The following GDF10 variants were observed in gnomAD, a reference collection of about 807,000 sequenced individuals.
The protein encoded by GDF10 is growth differentiation factor 10.
Under a neutral mutation model 32.1 loss-of-function variants are expected in GDF10, and 23 were observed. The observed-to-expected ratio is 0.72, with a 90% CI of 0.52 to 1.02. The LOEUF is 1.02. GDF10 is among the 50% of genes least tolerant of loss of function. GDF10 has a pLI of 0.00. For synonymous variants in GDF10, 328 were observed against 303.1 expected (o/e 1.08, Z -0.85); for missense variants, 764 against 673.9 (o/e 1.13, Z -1.48).
chr10:47,309,989 C>G lies in GDF10; in HGVS notation c.513C>G (p.His171Gln). 1 of 1,611,076 alleles carries G rather than the reference C, an allele frequency of 6.2e-7. No homozygotes were observed. Among genetic ancestry groups the G allele is most frequent in the Non-Finnish European group, 8.5e-7 (1 of 1,178,826 alleles). ...CCCTGGGCCCGCCCACACGCCAGCA[C>G]CTGCTCTTCCGCAGCCTCTCGCAGA... ...PLPLGPPTRQ[H>Q]LLFRSLSQNT... Residue 171 changes from histidine to glutamine, a missense_variant, in exon 2 of 3, where the codon CAC becomes CAG. Transcript: ENST00000580279.
rs1555207428 is a variant in GDF10 at position 47,309,937 on chromosome 10, C to T, written c.461C>T (p.Ala154Val). ...RALEVLCKPR[A>V]KNASGRPLPL... ...CTCGAGGTGCTATGCAAGCCGCGGG[C>T]CAAGAACGCTTCAGGCCGCCCGCTG... Residue 154 changes from alanine (A) to valine (V), a missense_variant, in exon 2 of 3, where the codon GCC (alanine) becomes GTC (valine). By Grantham distance (64) the Ala-to-Val change is moderately conservative (BLOSUM62 0). Transcript: ENST00000580279. 5 of 1,612,772 alleles carry T rather than the reference C, an allele frequency of 3.1e-6. No individual in the cohort carries two copies. The highest frequency in any genetic ancestry group is 3.3e-5 in the Admixed American group (2 of 59,964).
chr10:47,305,615 A>G (rs1012806851), intron 1 of GDF10, among the ~76,000 whole-genome samples: 1 of 152,212 alleles, frequency 6.6e-6, no homozygotes, highest in South Asian at 2.1e-4. Flanking sequence ...GTGAAGGGAC[A>G]GATCTCCAAA....
chr10:47,302,344 C>G (rs148372555), intron 1 of GDF10, among the ~76,000 whole-genome samples: 3 of 152,300 alleles, frequency 2.0e-5, no homozygotes, highest in African/African-American at 7.2e-5. Flanking sequence ...TGTTGATGTA[C>G]GGGATTCCCC....
chr10:47,310,195 A>G lies in GDF10; in HGVS notation c.719A>G (p.Tyr240Cys), dbSNP rs782740713. The change falls in exon 2 of 3, where the codon TAT becomes TGT. Residue 240 changes from tyrosine to cysteine, a missense_variant. Transcript: ENST00000580279. ...CCGGGGGTGCCCCGGCCCAGCCCCT[A>G]TGCGCCCTACATCCTAGTCTATGCC... Reference protein sequence around the residue: ...RDPGVPRPSPYAPYILVYAND... With the variant: ...RDPGVPRPSPCAPYILVYAND... 59 of 1,611,416 alleles carry G rather than the reference A, an allele frequency of 3.7e-5. No individual in the cohort carries two copies. Among genetic ancestry groups the G allele is most frequent in the South Asian group, 1.1e-4 (10 of 90,802 alleles).
chr10:47,309,651 A>G, intron 1 of GDF10, 145 bp from the exon 2 acceptor site: 1 of 625,382 alleles, frequency 1.6e-6, no homozygotes, highest in Non-Finnish European at 2.9e-6. Flanking sequence ...TGTGAGGATT[A>G]CACGAAAGGA....
chr10:47,310,423 A>G lies in GDF10; in HGVS notation c.947A>G (p.Gln316Arg), dbSNP rs1555207609. The G allele has an allele frequency of 6.2e-7, 1 of 1,612,700 alleles. No homozygotes were observed. The highest frequency in any genetic ancestry group is 1.1e-5 in the South Asian group (1 of 91,026). The change falls in exon 2 of 3, where the codon CAG becomes CGG. Residue 316 changes from glutamine (Q) to arginine (R), a missense_variant. Transcript: ENST00000580279. ...GAGAGGCCGCCGCGCGCCCACGCAC[A>G]GCACTTCCACAAGCACCAGCTGTGG... ...LDERPPRAHA[Q>R]HFHKHQLWPS... is the part of the protein sequence containing the mutation.
chr10:47,304,523 G>A (rs1488449243), intron 1 of GDF10, among the ~76,000 whole-genome samples: 1 of 151,954 alleles, frequency 6.6e-6, no homozygotes, highest in Non-Finnish European at 1.5e-5. Flanking sequence ...AAGAACATAA[G>A]TCATCCCTAA....
Position 47,312,922 on chromosome 10 carries a change from G to C in GDF10, c.*130G>C. ...GGGCAACATCACTGGGGCCCAGAGA[G>C]AGCTGTCCGCCAGTGCATCATTAGG... On this transcript the variant is annotated 3_prime_UTR_variant, in exon 3 of 3. Coordinates refer to ENST00000580279, the MANE Select transcript of GDF10 (RefSeq NM_004962.5). The C allele has an allele frequency of 1.8e-6, 1 of 555,084 alleles. No individual in the cohort carries two copies. The highest frequency in any genetic ancestry group is 3.4e-5 in the South Asian group (1 of 29,276). The allele number at this position is 555,084 out of a possible 1,614,324, so 34.4% of individuals were successfully genotyped here. A position where few individuals can be genotyped will look rare whatever the true frequency, so the allele number is the denominator to read the frequency against.
chr10:47,308,253 G>T (rs1275019385), intron 1 of GDF10, among the ~76,000 whole-genome samples: 1 of 152,320 alleles, frequency 6.6e-6, no homozygotes, highest in South Asian at 2.1e-4. Context: ...TTGTTATGCA[G>T]TCAAGGCCAC....
At chr10:47,310,823 G>A in intron 2 of GDF10, 102 bp downstream of exon 2, 1 of 776,874 alleles carries the variant, frequency 1.3e-6, no homozygotes, top group African/African-American at 1.7e-5. Context: ...CTGCAAAATG[G>A]GAATAACAGT....
At chr10:47,301,757 G>A (rs1454098791) in intron 1 of GDF10, among the ~76,000 whole-genome samples, 1 of 152,170 alleles carries the variant, frequency 6.6e-6, no homozygotes, top group African/African-American at 2.4e-5. Flanking sequence ...GACCCTGGTT[G>A]TCATGGTGAT....
At chr10:47,302,032 C>T (rs2061006653) in intron 1 of GDF10, among the ~76,000 whole-genome samples, 2 of 152,234 alleles carry the variant, frequency 1.3e-5, no homozygotes, top group Admixed American at 1.3e-4. Flanking sequence ...CCTCCTCCTC[C>T]ACTTAGCAGA....
Position 47,309,865 on chromosome 10 carries a change from C to T in GDF10, c.389C>T (p.Thr130Met), listed in dbSNP as rs1375417296. The change falls in exon 2 of 3, where the codon ACG becomes ATG. Residue 130 changes from threonine (T) to methionine (M), a missense_variant. By Grantham distance (81) the Thr-to-Met change is moderately conservative. Transcript: ENST00000580279. ...ATGCAAGACTCGGAAATGATCCTTA[C>T]GGCCACTTTCCACTTCTACTCAGAG... is the stretch of plus-strand genomic sequence containing the variant. ...TSMQDSEMIL[T>M]ATFHFYSEPP... The T allele has an allele frequency of 3.7e-6, 6 of 1,612,632 alleles. No homozygotes were observed. Among genetic ancestry groups the T allele is most frequent in the South Asian group, 2.2e-5 (2 of 91,060 alleles).
At chr10:47,302,297 A>C (rs2061007491) in intron 1 of GDF10, among the ~76,000 whole-genome samples, 1 of 152,240 alleles carries the variant, frequency 6.6e-6, no homozygotes, top group Non-Finnish European at 1.5e-5. Flanking sequence ...ATGAGGTCAT[A>C]TGTGCAAGCT....
Position 47,310,254 on chromosome 10 carries a change from G to T in GDF10, c.778G>T (p.Ala260Ser), listed in dbSNP as rs782365079. ...DLAISEPNSV[A>S]VTLQRYDPFP... is the part of the protein sequence containing the mutation. ...GGCCATCTCGGAGCCCAACAGCGTG[G>T]CAGTGACGCTGCAGAGATACGACCC... Residue 260 changes from alanine (A) to serine (S), a missense_variant, in exon 2 of 3, where the codon GCA becomes TCA. Physicochemically the swap from Ala to Ser is moderately conservative, Grantham distance 99. Coordinates refer to ENST00000580279, the MANE Select transcript of GDF10 (RefSeq NM_004962.5). 2.5e-6 allele frequency: 4 copies of T among 1,608,820 alleles called. No individual in the cohort carries two copies. In the Admixed American group the frequency reaches 6.7e-5, roughly 27 times the overall value.
chr10:47,312,716 T>A lies in GDF10; in HGVS notation c.1361T>A (p.Leu454His). The A allele has an allele frequency of 6.2e-7, 1 of 1,608,382 alleles. No homozygotes were observed. Among genetic ancestry groups the A allele is most frequent in the South Asian group, 1.1e-5 (1 of 89,778 alleles). The part of the protein sequence containing the change: ...VPDKMNSLGV[L>H]FLDENRNVVL... Reference sequence around the variant, plus strand: ...GATAAGATGAACTCCCTTGGGGTCCTCTTCCTGGATGAGAATCGGAATGTG... The same window carrying A: ...GATAAGATGAACTCCCTTGGGGTCCACTTCCTGGATGAGAATCGGAATGTG... Residue 454 changes from leucine (L) to histidine (H), a missense_variant, in exon 3 of 3, where the codon CTC becomes CAC. Transcript: ENST00000580279.
Position 47,312,714 on chromosome 10 carries a change from C to A in GDF10, c.1359C>A (p.Val453=). ...CVPDKMNSLG[V]LFLDENRNVV... ...CCGATAAGATGAACTCCCTTGGGGT[C>A]CTCTTCCTGGATGAGAATCGGAATG... The change falls in exon 3 of 3, where the codon GTC becomes GTA. Residue 453 remains valine (V), a synonymous_variant. Transcript: ENST00000580279. The A allele has an allele frequency of 1.2e-6, 2 of 1,608,068 alleles. No homozygotes were observed. The highest frequency in any genetic ancestry group is 1.7e-6 in the Non-Finnish European group (2 of 1,176,926).
chr10:47,311,621 G>A (rs2061046470), intron 2 of GDF10, among the ~76,000 whole-genome samples: 1 of 152,248 alleles, frequency 6.6e-6, no homozygotes. Flanking sequence ...AACCGTGCAT[G>A]TGCAAGAGAG....
intron 1 of GDF10, among the ~76,000 whole-genome samples, chr10:47,302,775 C>A (rs782201267): frequency 5.9e-5 from 9 of 152,202 alleles, no homozygotes; most frequent in Non-Finnish European, 1.2e-4. Flanking sequence ...TCCCTCAGAG[C>A]TATGACCAGG....
Sources: allele counts gnomAD v4.1 joint callset (sites outside exome capture counted in the v4.1 genomes callset), GRCh38; gene constraint gnomAD v4.1.1; transcripts MANE v1.5; gene names NCBI Gene and HGNC (gene_info 2026-07-23, HGNC 2026-07-21).